HDAC6: variants seen among roughly 807,000 people sequenced by gnomAD.
HDAC6 encodes the protein histone deacetylase 6, also known as protein deacetylase HDAC6.
HDAC6 carries 5 observed loss-of-function variants against 88.9 expected under a neutral mutation model. The ratio of observed to expected loss-of-function variants is 0.06; its 90% CI spans 0.03 to 0.12. The LOEUF is 0.12. Among genes scored for constraint, HDAC6 ranks in the 10% least tolerant of loss-of-function variants. The pLI is 1.00. For missense variants in HDAC6, 706 were observed against 1,014.4 expected (o/e 0.70, Z 4.13); for synonymous variants, 378 against 398.0 (o/e 0.95, Z 0.60).
chrX:48,811,381 T>A (rs1386899448), intron 10 of HDAC6, among the ~76,000 whole-genome samples: 1 of 112,589 alleles, frequency 8.9e-6, no homozygotes, highest in Non-Finnish European at 1.9e-5. Context: ...ATTATTTTTT[T>A]CTTGGTCCTT....
rs782778504 is a variant in HDAC6, at chrX:48,824,256, G to T, written c.3541G>T (p.Ala1181Ser). Reference protein sequence around the residue: ...PLVLSYIDLSAWCYYCQAYVH... With the variant: ...PLVLSYIDLSSWCYYCQAYVH... ...GGTCCTCAGCTACATCGACCTGTCA[G>T]CCTGGTGTTACTACTGTCAGGCCTA... The change falls in exon 28 of 29, where the codon GCC becomes TCC. Residue 1181 changes from alanine (A) to serine (S), a missense_variant. Ala to Ser is a moderately conservative substitution (Grantham distance 99). This residue lies in a region of HDAC6 where 36 missense variants were observed against 35.5 expected (regional missense o/e 1.01). Coordinates refer to ENST00000334136, the MANE Select transcript of HDAC6 (RefSeq NM_006044.4). 6.6e-6 allele frequency: 8 copies of T among 1,209,363 alleles called. No homozygotes were observed. The highest frequency in any genetic ancestry group is 8.9e-6 in the Non-Finnish European group (8 of 894,905).
chrX:48,805,738 C>T (rs1602237982), intron 6 of HDAC6, 67 bp downstream of exon 6: 5 of 951,649 alleles, frequency 5.3e-6, no homozygotes, highest in Admixed American at 5.4e-5. Flanking sequence ...GCAAGCTAAA[C>T]GCTTTGGGAA....
intron 23 of HDAC6, among the ~76,000 whole-genome samples, 192 bp downstream of exon 23, chrX:48,820,447 T>C (rs2063062576): frequency 8.9e-6 from 1 of 112,603 alleles, no homozygotes; most frequent in Non-Finnish European, 1.9e-5. Flanking sequence ...CAGAGCACTC[T>C]TCTGAGCACC....
At chrX:48,822,401 G>A (rs1569505419) in intron 23 of HDAC6, among the ~76,000 whole-genome samples, 1 of 111,830 alleles carries the variant, frequency 8.9e-6, no homozygotes, top group Non-Finnish European at 1.9e-5. Context: ...TTGTTATCTT[G>A]CACTTTACAT....
Position 48,816,560 on chromosome X carries a change from C to A in HDAC6, c.1718C>A (p.Pro573His). Reference protein sequence around the residue: ...SSNFDSIYICPSTFACAQLAT... With the variant: ...SSNFDSIYICHSTFACAQLAT... Reference sequence around the variant, plus strand: ...AACTTTGACTCCATCTATATCTGCCCCAGTACCTTCGCCTGTGCACAGCTT... The same window carrying A: ...AACTTTGACTCCATCTATATCTGCCACAGTACCTTCGCCTGTGCACAGCTT... Residue 573 changes from proline (P) to histidine (H), a missense_variant, in exon 19 of 29, where the codon CCC becomes CAC. By Grantham distance (77) the Pro-to-His change is moderately conservative. Transcript: ENST00000334136. 1 of 1,211,048 alleles carries A rather than the reference C, an allele frequency of 8.3e-7. No homozygotes were observed. The highest frequency in any genetic ancestry group is 1.7e-5 in the African/African-American group (1 of 57,726).
intron 10 of HDAC6, among the ~76,000 whole-genome samples, chrX:48,811,546 G>A (rs2062901679): frequency 8.9e-6 from 1 of 112,041 alleles, no homozygotes; most frequent in Non-Finnish European, 1.9e-5. Flanking sequence ...CCCAGAATGG[G>A]GACAGGGAAT....
chrX:48,804,609 A>G (rs904069434), intron 4 of HDAC6, among the ~76,000 whole-genome samples: 1 of 112,585 alleles, frequency 8.9e-6, no homozygotes, highest in African/African-American at 3.2e-5. Context: ...GACTTCTTTT[A>G]TGGAATACCT....
At position 48,816,284 on chromosome X, in the gene HDAC6, C is replaced by G. The variant is rs2062983767; in HGVS notation, c.1622+15C>G. The G allele has an allele frequency of 2.5e-6, 3 of 1,200,292 alleles. No homozygotes were observed. The highest frequency in any genetic ancestry group is 2.2e-6 in the Non-Finnish European group (2 of 889,010). Reference sequence around the variant, plus strand: ...ACCTGTCACAGGTCAGACCCCGGTGCCTGGGGTGGGTGGATTCCCAGGACT... The same window carrying G: ...ACCTGTCACAGGTCAGACCCCGGTGGCTGGGGTGGGTGGATTCCCAGGACT... On this transcript the variant is annotated intron_variant, in intron 18 of 28. Transcript: ENST00000334136.
At chrX:48,815,086 T>C in intron 14 of HDAC6, 35 bp downstream of exon 14, 1 of 1,081,802 alleles carries the variant, frequency 9.2e-7, no homozygotes, top group South Asian at 2.0e-5. Flanking sequence ...AGCCTGTGGA[T>C]CCTGGAGGGC....
intron 6 of HDAC6, 101 bp downstream of exon 6, chrX:48,805,772 A>G (rs2062807709): frequency 1.3e-5 from 9 of 685,394 alleles, no homozygotes; most frequent in Non-Finnish European, 1.8e-5. Flanking sequence ...CTCTGCAGCC[A>G]GCCTTGGGCA....
Position 48,820,246 on chromosome X carries a change from T to C in HDAC6, c.2328T>C (p.Leu776=), listed in dbSNP as rs1352101689. The C allele has an allele frequency of 8.4e-7, 1 of 1,184,613 alleles. No individual in the cohort carries two copies. The highest frequency in any genetic ancestry group is 1.8e-5 in the African/African-American group (1 of 56,486). ...LMGLASGRII[L]ILEGGYNLTS... ...GCCTTGCCAGTGGCCGCATTATCCT[T>C]ATCCTAGAGGTAACTTTCTCTTGGT... The change falls in exon 23 of 29, where the codon CTT becomes CTC. Residue 776 remains leucine, a synonymous_variant. Transcript: ENST00000334136.
At chrX:48,817,883 C>A in intron 20 of HDAC6, 158 bp from the exon 21 acceptor site, 1 of 506,592 alleles carries the variant, frequency 2.0e-6, no homozygotes, top group Non-Finnish European at 3.4e-6. Context: ...GCCTACCGGG[C>A]AGCCCTTGGG....
intron 23 of HDAC6, 23 bp downstream of exon 23, chrX:48,820,278 TCC>T (rs2063060243): frequency 8.8e-7 from 1 of 1,138,958 alleles, no homozygotes; most frequent in African/African-American, 1.8e-5. Flanking sequence ...TGGTCCCTCT[TCC>T]CACAGTGGGA....
chrX:48,803,323 G>C, intron 4 of HDAC6, 107 bp downstream of exon 4: 1 of 613,030 alleles, frequency 1.6e-6, no homozygotes, highest in South Asian at 2.6e-5. Context: ...ACTGGAAGCA[G>C]ATGATTTGGG....
intron 26 of HDAC6, 33 bp downstream of exon 26, chrX:48,823,818 C>T (rs1402714842): frequency 2.5e-6 from 3 of 1,189,051 alleles, no homozygotes; most frequent in Non-Finnish European, 3.4e-6. Context: ...ACTGTGGCTT[C>T]CTTCTCTTGC....
rs781835040 is a variant in HDAC6, at chrX:48,822,691, A to G, written c.2409A>G (p.Pro803=). ...ACTRSLLGDP[P]PLLTLPRPPL... is the part of the protein sequence containing the mutation. ...CTCGCTCCCTCCTTGGAGACCCACC[A>G]CCCCTGCTGACCCTGCCACGGCCCC... The change falls in exon 24 of 29, where the codon CCA becomes CCG. Residue 803 remains proline (P), a synonymous_variant. Coordinates refer to ENST00000334136, the MANE Select transcript of HDAC6 (RefSeq NM_006044.4). 2 of 1,203,455 alleles carry G rather than the reference A, an allele frequency of 1.7e-6. No individual in the cohort carries two copies. The highest frequency in any genetic ancestry group is 4.4e-5 in the Admixed American group (2 of 45,336).
At chrX:48,808,378 T>A in intron 10 of HDAC6, 52 bp downstream of exon 10, 1 of 938,626 alleles carries the variant, frequency 1.1e-6, no homozygotes, top group Non-Finnish European at 1.5e-6. Flanking sequence ...CTCCCACCCT[T>A]ACAGGCCCAG....
Position 48,823,762 on chromosome X carries a change from G to A in HDAC6, c.3280G>A (p.Gly1094Arg), listed in dbSNP as rs782423724. The A allele has an allele frequency of 8.3e-7, 1 of 1,206,136 alleles. No homozygotes were observed. The highest frequency in any genetic ancestry group is 1.8e-5 in the African/African-American group (1 of 57,096). ...QDMADSMLMQ[G>R]SRGLTDQAIF... ...CATGGCTGATTCGATGCTGATGCAG[G>A]GATCTAGGGGCCTCACTGATCAGGT... The change falls in exon 26 of 29, where the codon GGA becomes AGA. Residue 1094 changes from glycine (G) to arginine (R), a missense_variant. By Grantham distance (125) the Gly-to-Arg change is moderately radical. Transcript: ENST00000334136.
intron 1 of HDAC6, chrX:48,802,375 C>G: frequency 1.1e-6 from 1 of 894,743 alleles, no homozygotes; most frequent in Non-Finnish European, 1.4e-6. Context: ...GGCCCTAAGA[C>G]GGACTGTGTG....
Sources: allele counts gnomAD v4.1 joint callset (sites outside exome capture counted in the v4.1 genomes callset), GRCh38; gene constraint gnomAD v4.1.1; regional missense constraint gnomAD v4.1.1; transcripts MANE v1.5; gene names NCBI Gene and HGNC (gene_info 2026-07-23, HGNC 2026-07-21).